The following S100Z variants were observed in gnomAD, a reference collection of about 807,000 sequenced individuals.
The protein encoded by S100Z is protein S100-Z.
A neutral mutation model predicts 8.5 loss-of-function variants in S100Z; 11 were observed. The ratio of observed to expected loss-of-function variants is 1.30; its 90% CI spans 0.82 to 2.15. The LOEUF (loss-of-function observed/expected upper bound fraction) is 2.15, where lower values mean the gene tolerates loss of function less well. Among genes scored for constraint, S100Z ranks in the 30% most tolerant of loss-of-function variants. S100Z has a pLI of 0.00. For missense variants in S100Z, 126 were observed against 117.9 expected (o/e 1.07, Z -0.32); for synonymous variants, 34 against 43.8 (o/e 0.78, Z 0.89).
the S100Z span, among the ~76,000 whole-genome samples, chr5:76,927,957 T>C: frequency 6.6e-6 from 1 of 152,194 alleles, no homozygotes; most frequent in South Asian, 2.1e-4. Context: ...TCTGTGTGTG[T>C]GCTGTTCCCT....
chr5:76,874,337 T>A (rs2150638350), intron 2 of S100Z, among the ~76,000 whole-genome samples: 1 of 152,322 alleles, frequency 6.6e-6, no homozygotes, highest in East Asian at 1.9e-4. Context: ...TTTAGAGTTC[T>A]TCCCCATCAT....
chr5:76,909,954 G>A (rs1393864495), intron 4 of S100Z, among the ~76,000 whole-genome samples: 3 of 152,218 alleles, frequency 2.0e-5, no homozygotes, highest in Non-Finnish European at 4.4e-5. Context: ...TCTTAGTCAA[G>A]TAAATGATAG....
At chr5:76,920,567 C>G (rs1284152353) in intron 4 of S100Z, 150 bp from the exon 5 acceptor site, 1 of 152,214 alleles carries the variant, frequency 6.6e-6, no homozygotes. Flanking sequence ...GCTCCTCACT[C>G]TCCTCAATGC....
At chr5:76,906,105 T>C (rs76013201) in intron 4 of S100Z, among the ~76,000 whole-genome samples, 2,172 of 152,312 alleles carry the variant, frequency 0.014, 59 homozygotes, top group East Asian at 0.11. Flanking sequence ...AATGGGATTA[T>C]AGGCATCAGC....
chr5:76,912,006 C>T (rs1744680432), intron 4 of S100Z, among the ~76,000 whole-genome samples: 1 of 152,134 alleles, frequency 6.6e-6, no homozygotes, highest in Non-Finnish European at 1.5e-5. Flanking sequence ...GTGGGACAAC[C>T]CCACAACCAG....
chr5:76,928,200 C>T, the S100Z span, among the ~76,000 whole-genome samples: 1 of 152,142 alleles, frequency 6.6e-6, no homozygotes, highest in Non-Finnish European at 1.5e-5. Flanking sequence ...TAAATTACAG[C>T]TTTTTGGTCC....
intron 1 of S100Z, among the ~76,000 whole-genome samples, chr5:76,858,186 C>A (rs1198385392): frequency 6.6e-6 from 1 of 152,206 alleles, no homozygotes; most frequent in Non-Finnish European, 1.5e-5. Context: ...TCTTCTCTTG[C>A]CAGTCCAGTC....
intron 4 of S100Z, among the ~76,000 whole-genome samples, chr5:76,888,265 GA>G (rs1196566038): frequency 4.5e-4 from 29 of 64,152 alleles, no homozygotes; most frequent in African/African-American, 1.2e-3. Flanking sequence ...TCAAAAAAAA[GA>G]AAAAAAAAAG....
intron 4 of S100Z, among the ~76,000 whole-genome samples, chr5:76,886,476 CTGGTTGGT>C (rs1164625758): frequency 6.6e-6 from 1 of 152,134 alleles, no homozygotes; most frequent in Non-Finnish European, 1.5e-5. Flanking sequence ...GTTCCTTGGG[CTGGTTGGT>C]CTGAGGACCC....
chr5:76,871,354 T>C (rs1249332265), intron 2 of S100Z, among the ~76,000 whole-genome samples: 1 of 152,084 alleles, frequency 6.6e-6, no homozygotes, highest in East Asian at 1.9e-4. Context: ...AAAGAAACAT[T>C]TATCATTTAT....
At chr5:76,863,687 C>CGTGT (rs1751146344) in intron 1 of S100Z, among the ~76,000 whole-genome samples, 1 of 151,812 alleles carries the variant, frequency 6.6e-6, no homozygotes, top group Non-Finnish European at 1.5e-5. Flanking sequence ...TACAGGCACC[C>CGTGT]GCCACCACAC....
chr5:76,930,811 G>A, the S100Z span, among the ~76,000 whole-genome samples: 6 of 152,158 alleles, frequency 3.9e-5, no homozygotes, highest in Admixed American at 3.9e-4. Flanking sequence ...CCAAGGAGAA[G>A]AAGAGTGTTT....
chr5:76,873,692 A>C (rs568972419), intron 2 of S100Z, among the ~76,000 whole-genome samples: 2 of 152,334 alleles, frequency 1.3e-5, no homozygotes, highest in South Asian at 4.1e-4. Context: ...CAGCAAGGCC[A>C]GGGGCAGATG....
chr5:76,902,919 C>T (rs1478069878), intron 4 of S100Z, among the ~76,000 whole-genome samples: 4 of 152,218 alleles, frequency 2.6e-5, no homozygotes, highest in African/African-American at 9.6e-5. Flanking sequence ...GGCACGGTGG[C>T]TTACACCTGT....
chr5:76,936,651 ACACACAAC>A, the S100Z span, among the ~76,000 whole-genome samples: 129 of 145,074 alleles, frequency 8.9e-4, no homozygotes, highest in Middle Eastern at 3.4e-3. Flanking sequence ...ACACACACAC[ACACACAAC>A]CATGAAGGAA....
At chr5:76,927,978 C>T in the S100Z span, among the ~76,000 whole-genome samples, 1 of 152,210 alleles carries the variant, frequency 6.6e-6, no homozygotes, top group South Asian at 2.1e-4. Flanking sequence ...GTCCACAGGC[C>T]TAGACTCTGC....
In S100Z at chr5:76,858,107, T is replaced by C. The variant is rs556252201; in HGVS notation, c.-176+7952T>C. 7.2e-5 allele frequency among the ~76,000 whole-genome samples: 11 copies of C among 152,320 alleles called. 1 individual carries two copies. The South Asian group carries it at 1.9e-3, about 26-fold the overall frequency. On this transcript the variant is annotated intron_variant, in intron 1 of 4. Coordinates refer to ENST00000317593, the MANE Select transcript of S100Z (RefSeq NM_130772.4). ...GCAGGGAGCCCCTCTCCTGAGGCTA[T>C]CAAAATGAGGTTCCAGAAGTGTGTG...
chr5:76,895,587 A>G (rs1744005512), intron 4 of S100Z, among the ~76,000 whole-genome samples: 1 of 151,946 alleles, frequency 6.6e-6, no homozygotes, highest in South Asian at 2.1e-4. Context: ...GTAGGTGTAT[A>G]TAGGGTATAT....
At chr5:76,887,771 G>T (rs1743699880) in intron 4 of S100Z, among the ~76,000 whole-genome samples, 1 of 152,082 alleles carries the variant, frequency 6.6e-6, no homozygotes, top group Non-Finnish European at 1.5e-5. Flanking sequence ...GAAGGAATCT[G>T]CCAATTGCTG....
Sources: gnomAD v4.1 joint callset for allele counts (sites outside exome capture counted in the v4.1 genomes callset) on GRCh38, gnomAD v4.1.1 for gene constraint, MANE v1.5 for transcripts, NCBI Gene and HGNC (gene_info 2026-07-23, HGNC 2026-07-21) for gene names.